The following C19orf81 variants were observed in gnomAD, a reference collection of about 807,000 sequenced individuals.
C19orf81 encodes the protein chromosome 19 open reading frame 81.
C19orf81 carries 19 observed loss-of-function variants against 22.1 expected under a neutral mutation model. The observed-to-expected ratio is 0.86, with a 90% CI of 0.60 to 1.26. The LOEUF (loss-of-function observed/expected upper bound fraction) is 1.26, where lower values mean the gene tolerates loss of function less well. C19orf81 is among the 50% of genes most tolerant of loss of function. C19orf81 has a pLI of 0.00. For synonymous variants in C19orf81, 108 were observed against 113.1 expected (o/e 0.95, Z 0.29); for missense variants, 287 against 280.7 (o/e 1.02, Z -0.16).
chr19:50,652,348 C>G (rs1178972873), intron 1 of C19orf81, among the ~76,000 whole-genome samples: 1 of 152,122 alleles, frequency 6.6e-6, no homozygotes, highest in Non-Finnish European at 1.5e-5. Flanking sequence ...AAACACAAGT[C>G]CCTGCCCTTA....
chr19:50,657,723 T>C (rs1985026259), intron 3 of C19orf81, among the ~76,000 whole-genome samples: 1 of 152,238 alleles, frequency 6.6e-6, no homozygotes, highest in African/African-American at 2.4e-5. Context: ...CAACTGTTCA[T>C]TGACTTTGGG....
In C19orf81 at chr19:50,657,912, G is replaced by A. The variant is rs1383027854; in HGVS notation, c.262-77G>A. On this transcript the variant is annotated intron_variant, in intron 3 of 4. Coordinates refer to ENST00000425202, the MANE Select transcript of C19orf81 (RefSeq NM_001195076.2). ...AACTCTGTGGCAGGTTCTGCAGGTG[G>A]GGTCTAGGGTGGTGACTTCTGAACC... 18 of 1,434,122 alleles carry A rather than the reference G, an allele frequency of 1.3e-5. No individual in the cohort carries two copies. The South Asian group carries it at 1.6e-4, about 13-fold the overall frequency. 88.8% of individuals were successfully genotyped at this position (1,434,122 alleles called of 1,614,324 possible). A position where few individuals can be genotyped will look rare whatever the true frequency, so the allele number is the denominator to read the frequency against.
At position 50,649,616 on chromosome 19, in the gene C19orf81, A is replaced by G. The variant is rs1038223471; in HGVS notation, c.67+105A>G. On this transcript the variant is annotated intron_variant, in intron 1 of 4. Coordinates refer to ENST00000425202, the MANE Select transcript of C19orf81 (RefSeq NM_001195076.2). The stretch of plus-strand genomic sequence containing the variant: ...CCTTAAGCGAGTCACTGGCACTCCA[A>G]AGTGAAAGCCATCCCTAGCATTCCT... 4.1e-6 allele frequency: 5 copies of G among 1,232,822 alleles called. No homozygotes were observed. In the African/African-American group the frequency reaches 7.5e-5, roughly 18 times the overall value. 76.4% of individuals were successfully genotyped at this position (1,232,822 alleles called of 1,614,324 possible). A position where few individuals can be genotyped will look rare whatever the true frequency, so the allele number is the denominator to read the frequency against.
intron 1 of C19orf81, among the ~76,000 whole-genome samples, chr19:50,654,240 T>C (rs1002132967): frequency 2.0e-5 from 3 of 152,138 alleles, no homozygotes; most frequent in African/African-American, 7.2e-5. Context: ...TTTTCTTTTC[T>C]CCCTTGCTCC....
At chr19:50,651,895 C>T (rs1984885698) in intron 1 of C19orf81, among the ~76,000 whole-genome samples, 2 of 152,264 alleles carry the variant, frequency 1.3e-5, no homozygotes, top group South Asian at 4.2e-4. Context: ...TCATGAGAAA[C>T]TATTGTATTC....
At chr19:50,649,653 A>G in intron 1 of C19orf81, 142 bp downstream of exon 1, 2 of 958,806 alleles carry the variant, frequency 2.1e-6, no homozygotes, top group Middle Eastern at 4.1e-4. Flanking sequence ...GATTCACCAG[A>G]TTCCTGGAGA....
At chr19:50,652,922 CTGT>C (rs1984908511) in intron 1 of C19orf81, among the ~76,000 whole-genome samples, 1 of 152,178 alleles carries the variant, frequency 6.6e-6, no homozygotes, top group Admixed American at 6.5e-5. Context: ...TCATTTTGTG[CTGT>C]GTGACTTTGG....
intron 3 of C19orf81, among the ~76,000 whole-genome samples, chr19:50,657,677 A>G (rs1399830521): frequency 6.6e-6 from 1 of 152,230 alleles, no homozygotes; most frequent in Non-Finnish European, 1.5e-5. Flanking sequence ...TTTTTGGTAG[A>G]TTCGTAAAGT....
intron 1 of C19orf81, among the ~76,000 whole-genome samples, chr19:50,653,953 G>T (rs1045706076): frequency 6.6e-6 from 1 of 152,010 alleles, no homozygotes; most frequent in Non-Finnish European, 1.5e-5. Context: ...AGCAGCCGTC[G>T]GCTCTGAGCT....
At chr19:50,652,218 A>AT (rs887376979) in intron 1 of C19orf81, among the ~76,000 whole-genome samples, 41 of 152,234 alleles carry the variant, frequency 2.7e-4, no homozygotes, top group African/African-American at 9.1e-4. Flanking sequence ...TCAAAATTGT[A>AT]TTTTTTTATA....
chr19:50,652,513 G>C (rs1984898259), intron 1 of C19orf81, among the ~76,000 whole-genome samples: 1 of 152,200 alleles, frequency 6.6e-6, no homozygotes, highest in South Asian at 2.1e-4. Context: ...AGGGGGAAGA[G>C]AGATCCACGC....
At chr19:50,650,516 C>T (rs1321901616) in intron 1 of C19orf81, among the ~76,000 whole-genome samples, 2 of 152,116 alleles carry the variant, frequency 1.3e-5, no homozygotes, top group African/African-American at 2.4e-5. Flanking sequence ...TCTAAAAATA[C>T]AAAAATTAGC....
At position 50,658,128 on chromosome 19, in the gene C19orf81, G is replaced by T. The variant is rs1236064956; in HGVS notation, c.401G>T (p.Arg134Leu). 5 of 1,533,434 alleles carry T rather than the reference G, an allele frequency of 3.3e-6. No homozygotes were observed. Among genetic ancestry groups the T allele is most frequent in the Middle Eastern group, 1.7e-4 (1 of 5,772 alleles). The allele number at this position is 1,533,434 out of a possible 1,614,324, so 95.0% of individuals were successfully genotyped here. A position where few individuals can be genotyped will look rare whatever the true frequency, so the allele number is the denominator to read the frequency against. ...TGTGGGACTGCTGGGCGCCGGAACCGGTGAGTAAGCGGCGGGGGCGGGGCC... is the reference window on the plus strand; with the variant it reads ...TGTGGGACTGCTGGGCGCCGGAACCTGTGAGTAAGCGGCGGGGGCGGGGCC... ...VICGTAGRRN[R>L]WLIAVTDFQT... is the part of the protein sequence containing the mutation. The change falls in exon 4 of 5, where the codon CGG becomes CTG. Residue 134 changes from arginine to leucine, a missense_variant and splice_region_variant. Coordinates refer to ENST00000425202, the MANE Select transcript of C19orf81 (RefSeq NM_001195076.2).
chr19:50,656,440 A>C, intron 3 of C19orf81, 94 bp downstream of exon 3: 3 of 1,428,258 alleles, frequency 2.1e-6, no homozygotes, highest in Non-Finnish European at 2.8e-6. Context: ...GTTTAAATTC[A>C]GGCTTTTGGC....
At chr19:50,656,739 G>A (rs888880625) in intron 3 of C19orf81, among the ~76,000 whole-genome samples, 14 of 152,138 alleles carry the variant, frequency 9.2e-5, no homozygotes, top group Non-Finnish European at 1.6e-4. Flanking sequence ...ATCACTAGAG[G>A]TCAGGAGTTT....
rs181948923 is a variant in C19orf81 at position 50,659,211 on chromosome 19, G to C, written c.*69G>C. 2.4e-3 allele frequency: 2,899 copies of C among 1,232,636 alleles called. 6 individuals carry two copies. The highest frequency in any genetic ancestry group is 2.8e-3 in the Non-Finnish European group (2,723 of 976,840). 76.4% of individuals were successfully genotyped at this position (1,232,636 alleles called of 1,614,324 possible). On this transcript the variant is annotated 3_prime_UTR_variant, in exon 5 of 5. Transcript: ENST00000425202. The stretch of plus-strand genomic sequence containing the variant: ...CTGGGGCCACCCACCCGGAGCCCCG[G>C]AGGACAGGGGGCGTTGCCTTCCCAG...
chr19:50,651,438 C>T (rs73042540), intron 1 of C19orf81, among the ~76,000 whole-genome samples: 1,996 of 152,296 alleles, frequency 0.013, 21 homozygotes, highest in South Asian at 0.054. Context: ...TGGGCTTTCC[C>T]TCCACCTTGT....
chr19:50,649,893 C>T (rs1261534283), intron 1 of C19orf81: 2 of 458,352 alleles, frequency 4.4e-6, no homozygotes, highest in South Asian at 1.6e-5. Flanking sequence ...GGCCCCACCG[C>T]CAACCCAGTC....
At chr19:50,656,002 T>G (rs1337241363) in intron 1 of C19orf81, 48 bp from the exon 2 acceptor site, 1 of 1,520,062 alleles carries the variant, frequency 6.6e-7, no homozygotes, top group Non-Finnish European at 8.8e-7. Flanking sequence ...AGCAGAATCA[T>G]GGCTGAGGAG....
Sources: gnomAD v4.1 joint callset for allele counts (sites outside exome capture counted in the v4.1 genomes callset) on GRCh38, gnomAD v4.1.1 for gene constraint, MANE v1.5 for transcripts, NCBI Gene and HGNC (gene_info 2026-07-23, HGNC 2026-07-21) for gene names.